Variants in DPF3 observed in about 807,000 individuals in gnomAD.
DPF3 encodes the protein double PHD fingers 3, also known as zinc finger protein DPF3.
Under a neutral mutation model 56.8 loss-of-function variants are expected in DPF3, and 18 were observed. The ratio of observed to expected loss-of-function variants is 0.32; its 90% CI spans 0.22 to 0.47. The LOEUF is 0.47. Ranked by LOEUF, DPF3 falls within the 20% of genes least tolerant of loss-of-function variation. The pLI is 1.00. For missense variants in DPF3, 403 were observed against 488.8 expected, an observed-to-expected ratio of 0.82 and a Z score of 1.65; for synonymous variants, 188 against 180.2, an observed-to-expected ratio of 1.04 and a Z score of -0.35.
chr14:72,891,169 C>G (rs1886736079), intron 1 of DPF3, among the ~76,000 whole-genome samples: 1 of 152,216 alleles, frequency 6.6e-6, no homozygotes, highest in Non-Finnish European at 1.5e-5. Flanking sequence ...ATAGCCCATA[C>G]TCAGCGTAGG....
intron 7 of DPF3, among the ~76,000 whole-genome samples, chr14:72,680,443 C>T (rs923209976): frequency 6.6e-6 from 1 of 152,232 alleles, no homozygotes; most frequent in Non-Finnish European, 1.5e-5. Flanking sequence ...GGAAGCCTGG[C>T]GGGGAAGCAG....
At chr14:72,854,422 G>A (rs751509718) in intron 1 of DPF3, among the ~76,000 whole-genome samples, 4 of 152,050 alleles carry the variant, frequency 2.6e-5, no homozygotes, top group Non-Finnish European at 5.9e-5. Context: ...AATTTTTCAT[G>A]GGCCATCAAC....
At chr14:72,661,853 GCTTTTTTT>G in intron 8 of DPF3, 1 of 899,878 alleles carries the variant, frequency 1.1e-6, no homozygotes, top group Middle Eastern at 6.0e-4. Context: ...TTTTATTTTT[GCTTTTTTT>G]TTTTTTTTTT....
intron 9 of DPF3, among the ~76,000 whole-genome samples, chr14:72,625,056 G>A (rs1412047120): frequency 6.6e-6 from 1 of 151,984 alleles, no homozygotes; most frequent in Non-Finnish European, 1.5e-5. Context: ...GGAGATACTT[G>A]GAGATTATCT....
intron 8 of DPF3, among the ~76,000 whole-genome samples, chr14:72,642,849 C>A (rs1885602594): frequency 6.6e-6 from 1 of 152,220 alleles, no homozygotes; most frequent in Non-Finnish European, 1.5e-5. Flanking sequence ...CTGATATGAG[C>A]AGAGGAAGAA....
intron 1 of DPF3, among the ~76,000 whole-genome samples, chr14:72,877,638 C>A (rs1886165111): frequency 6.6e-6 from 1 of 152,200 alleles, no homozygotes; most frequent in South Asian, 2.1e-4. Flanking sequence ...ACAAGCCAGG[C>A]AGCCTCCATC....
chr14:72,803,565 C>T (rs1201342835), intron 1 of DPF3, among the ~76,000 whole-genome samples: 1 of 152,158 alleles, frequency 6.6e-6, no homozygotes, highest in Non-Finnish European at 1.5e-5. Flanking sequence ...AGCCTGGATC[C>T]CATAGAGGTC....
intron 1 of DPF3, among the ~76,000 whole-genome samples, chr14:72,807,140 T>C (rs1599459254): frequency 6.6e-6 from 1 of 152,162 alleles, no homozygotes; most frequent in South Asian, 2.1e-4. Flanking sequence ...AGGGTAGATA[T>C]CTAGGGACCT....
chr14:72,673,859 G>A (rs554796468), intron 8 of DPF3, among the ~76,000 whole-genome samples: 2 of 152,254 alleles, frequency 1.3e-5, no homozygotes, highest in Non-Finnish European at 1.5e-5. Context: ...TTTGCCCTAG[G>A]CACTTCCACA....
intron 2 of DPF3, among the ~76,000 whole-genome samples, chr14:72,767,629 C>A (rs757373317): frequency 6.6e-6 from 1 of 151,820 alleles, no homozygotes; most frequent in Admixed American, 6.6e-5. Flanking sequence ...ATGAACACAG[C>A]CTCAGGGACT....
At chr14:72,647,454 T>G (rs1226892196) in intron 8 of DPF3, among the ~76,000 whole-genome samples, 1 of 152,012 alleles carries the variant, frequency 6.6e-6, no homozygotes, top group African/African-American at 2.4e-5. Context: ...AAACAGGAGG[T>G]CTTAGCTTCT....
intron 4 of DPF3, among the ~76,000 whole-genome samples, chr14:72,724,944 G>A (rs554520846): frequency 3.3e-5 from 5 of 152,142 alleles, no homozygotes; most frequent in African/African-American, 1.2e-4. Context: ...GGTCTCAAGT[G>A]ATCCTCCCAC....
intron 6 of DPF3, among the ~76,000 whole-genome samples, chr14:72,694,698 T>A (rs1220711702): frequency 6.6e-6 from 1 of 152,216 alleles, no homozygotes; most frequent in Non-Finnish European, 1.5e-5. Context: ...CAAAACAATA[T>A]CTTCAAATGG....
rs117691206 is a variant in DPF3 at position 72,851,960 on chromosome 14, A to G, written c.32+42097T>C. On this transcript the variant is annotated intron_variant, in intron 1 of 10. Transcript: ENST00000556509. ...ATGGGATTCTCTCTCTCTTCAAAGC[A>G]TAGAGCAAACATCAATTAATCCTCA... 8.5e-4 allele frequency among the ~76,000 whole-genome samples: 129 copies of G among 152,386 alleles called. 2 individuals are homozygous for G. In the East Asian group the frequency reaches 0.023, roughly 27 times the overall value.
In DPF3 at chr14:72,670,555, A is replaced by G. The variant is rs555208727; in HGVS notation, c.871+3685T>C. 3.0e-6 allele frequency: 3 copies of G among 987,372 alleles called. No individual in the cohort carries two copies. In the South Asian group the frequency reaches 1.4e-4, roughly 46 times the overall value. 61.2% of individuals were successfully genotyped at this position (987,372 alleles called of 1,614,324 possible). A position where few individuals can be genotyped will look rare whatever the true frequency, so the allele number is the denominator to read the frequency against. On this transcript the variant is annotated intron_variant, in intron 8 of 10. Transcript: ENST00000556509. ...ACTCCGTGGGGCACAGAATAGTGCA[A>G]CCGTCTCCCATTGAGGAAATTCTCC...
chr14:72,620,538 C>T (rs1884367005), intron 9 of DPF3, among the ~76,000 whole-genome samples: 1 of 152,164 alleles, frequency 6.6e-6, no homozygotes, highest in South Asian at 2.1e-4. Context: ...GAGGCTGGAG[C>T]CCGGGTGAGA....
chr14:72,801,803 G>A (rs1279579201), intron 1 of DPF3, among the ~76,000 whole-genome samples: 1 of 152,162 alleles, frequency 6.6e-6, no homozygotes, highest in Admixed American at 6.5e-5. Context: ...GACACAACAC[G>A]GGAGGACCTT....
At chr14:72,714,364 G>A in intron 6 of DPF3, 59 bp downstream of exon 6, 1 of 1,599,264 alleles carries the variant, frequency 6.3e-7, no homozygotes, top group Non-Finnish European at 8.6e-7. Context: ...GCACAGGGAA[G>A]AGGGGCCCTG....
rs141650559 is a variant in DPF3 at position 72,748,753 on chromosome 14, G to C, written c.301+4511C>G. ...TGTGGCTGAAAGGGGCCAACATAGAGCTCAGGCTGTGGCTTCAGAGGGTGC... is the reference window on the plus strand; with the variant it reads ...TGTGGCTGAAAGGGGCCAACATAGACCTCAGGCTGTGGCTTCAGAGGGTGC... On this transcript the variant is annotated intron_variant, in intron 3 of 10. Coordinates refer to ENST00000556509, the MANE Select transcript of DPF3 (RefSeq NM_001280542.3). Among the ~76,000 whole-genome samples the C allele has an allele frequency of 2.1e-3, 320 of 152,356 alleles. 6 individuals are homozygous for C. In the East Asian group the frequency reaches 0.057, roughly 27 times the overall value.
Sources: allele counts gnomAD v4.1 joint callset (sites outside exome capture counted in the v4.1 genomes callset), GRCh38; gene constraint gnomAD v4.1.1; transcripts MANE v1.5; gene names NCBI Gene and HGNC (gene_info 2026-07-23, HGNC 2026-07-21).